ZNF587B: variants seen among roughly 807,000 people sequenced by gnomAD.
ZNF587B encodes the protein zinc finger protein 587B.
In ZNF587B, 6 loss-of-function variants were observed where a neutral mutation model predicts 7.2. The ratio of observed to expected loss-of-function variants is 0.83; its 90% CI spans 0.46 to 1.65. ZNF587B has a LOEUF of 1.65. Among genes scored for constraint, ZNF587B ranks in the 40% most tolerant of loss-of-function variants. The probability of loss-of-function intolerance (pLI) is 0.01; values close to 1 mark genes in which losing one functional copy is unlikely to be tolerated. For synonymous variants in ZNF587B, 274 were observed against 254.3 expected (o/e 1.08, Z -0.74); for missense variants, 749 against 761.0 (o/e 0.98, Z 0.19).
At chr19:57,840,720 C>G in intron 2 of ZNF587B, 118 bp from the exon 3 acceptor site, 1 of 1,598,016 alleles carries the variant, frequency 6.3e-7, no homozygotes, top group South Asian at 1.1e-5. Context: ...AAGCCAACAT[C>G]CTGTTCCTCC....
Position 57,845,059 on chromosome 19 carries a change from C to T in ZNF587B, c.*2483C>T, listed in dbSNP as rs1044730658. ...TTGCACCATCTCGGCTCACTGCAACCTGTGCCTTCTGGGTTCAAGCGATTC... is the reference window on the plus strand; with the variant it reads ...TTGCACCATCTCGGCTCACTGCAACTTGTGCCTTCTGGGTTCAAGCGATTC... On this transcript the variant is annotated 3_prime_UTR_variant, in exon 3 of 3. Coordinates refer to ENST00000594901, the MANE Select transcript of ZNF587B (RefSeq NM_001376223.1). 1 of 152,206 alleles carries T rather than the reference C, an allele frequency of 6.6e-6. No individual in the cohort carries two copies. Among genetic ancestry groups the T allele is most frequent in the Non-Finnish European group, 1.5e-5 (1 of 68,032 alleles). The allele number at this position is 152,206 out of a possible 1,614,324, so 9.4% of individuals were successfully genotyped here. A position where few individuals can be genotyped will look rare whatever the true frequency, so the allele number is the denominator to read the frequency against.
chr19:57,839,524 C>T (rs1988758182), intron 2 of ZNF587B, among the ~76,000 whole-genome samples: 1 of 152,046 alleles, frequency 6.6e-6, no homozygotes, highest in South Asian at 2.1e-4. Context: ...TACATCACTG[C>T]CTATATAGAC....
At position 57,841,989 on chromosome 19, in the gene ZNF587B, A is replaced by G. The variant is rs749530805; in HGVS notation, c.1315A>G (p.Lys439Glu). Reference sequence around the variant, plus strand: ...AGTTCACACTACAGAAAGACCTTATAAGTGTGGGGAATGTGGGAAATGTTT... The same window carrying G: ...AGTTCACACTACAGAAAGACCTTATGAGTGTGGGGAATGTGGGAAATGTTT... ...QRVHTTERPY[K>E]CGECGKCFSH... Residue 439 changes from lysine to glutamate, a missense_variant, in exon 3 of 3, where the codon AAG becomes GAG. Coordinates refer to ENST00000594901, the MANE Select transcript of ZNF587B (RefSeq NM_001376223.1). The G allele has an allele frequency of 4.4e-6, 7 of 1,606,634 alleles. No homozygotes were observed. The African/African-American group carries it at 9.4e-5, about 22-fold the overall frequency.
At chr19:57,836,095 C>T (rs566382883) in intron 1 of ZNF587B, among the ~76,000 whole-genome samples, 121 of 149,744 alleles carry the variant, frequency 8.1e-4, no homozygotes, top group African/African-American at 2.7e-3. Context: ...CATAGCTTGT[C>T]GTGGGGCAGA....
chr19:57,834,581 C>T (rs1988533252), intron 1 of ZNF587B, among the ~76,000 whole-genome samples: 2 of 101,760 alleles, frequency 2.0e-5, no homozygotes, highest in South Asian at 2.8e-4. Context: ...CGCCTGTAAT[C>T]CCAGCACTTT....
In ZNF587B at chr19:57,843,600, G is replaced by GTTTTTTTTTTTTTTTT. The variant is rs771371494; in HGVS notation, c.*1029_*1044dup. The GTTTTTTTTTTTTTTTT allele has an allele frequency of 1.4e-4, 90 of 648,438 alleles. No homozygotes were observed. Among genetic ancestry groups the GTTTTTTTTTTTTTTTT allele is most frequent in the African/African-American group, 4.7e-4 (12 of 25,486 alleles). The allele number at this position is 648,438 out of a possible 1,614,324, so 40.2% of individuals were successfully genotyped here. On this transcript the variant is annotated 3_prime_UTR_variant, in exon 3 of 3. Transcript: ENST00000594901. ...GTTGGTTGGTTGGTTGTTTTTTTTT[G>GTTTTTTTTTTTTTTTT]TTTTTTTTTTTTTTTTTTTTGGAGA...
At position 57,841,803 on chromosome 19, in the gene ZNF587B, A is replaced by G. The variant is rs748497135; in HGVS notation, c.1129A>G (p.Thr377Ala). 1 of 1,611,274 alleles carries G rather than the reference A, an allele frequency of 6.2e-7. No homozygotes were observed. Among genetic ancestry groups the G allele is most frequent in the Admixed American group, 1.7e-5 (1 of 59,682 alleles). ...PSLSYHQRIH[T>A]EVRPYKCGEC... ...CCTTAGTTACCATCAGCGCATTCAC[A>G]CTGAAGTAAGACCTTACAAGTGTGG... Residue 377 changes from threonine (T) to alanine (A), a missense_variant, in exon 3 of 3, where the codon ACT (threonine) becomes GCT (alanine). By Grantham distance (58) the Thr-to-Ala change is moderately conservative. Transcript: ENST00000594901.
rs571824664 is a variant in ZNF587B at position 57,841,198 on chromosome 19, G to A, written c.524G>A (p.Ser175Asn). The stretch of plus-strand genomic sequence containing the variant: ...GGGGAGTCATCTGTCTTCAGTGAGA[G>A]TGGGAAGGACTTTTTGCCCAGGTCA... The part of the protein sequence containing the change: ...VSGESSVFSE[S>N]GKDFLPRSGL... Residue 175 changes from serine to asparagine, a missense_variant, in exon 3 of 3, where the codon AGT becomes AAT. Ser to Asn is a conservative substitution (Grantham distance 46, BLOSUM62 1). This residue lies in a region of ZNF587B where 656 missense variants were observed against 596.5 expected (regional missense o/e 1.10). Coordinates refer to ENST00000594901, the MANE Select transcript of ZNF587B (RefSeq NM_001376223.1). The A allele has an allele frequency of 1.4e-5, 22 of 1,614,096 alleles. No homozygotes were observed. The highest frequency in any genetic ancestry group is 2.2e-5 in the South Asian group (2 of 91,090).
At position 57,842,432 on chromosome 19, in the gene ZNF587B, T is replaced by C. The variant is rs2122252712; in HGVS notation, c.1758T>C (p.Ser586=). The part of the protein sequence containing the change: ...KPYECSECGK[S]FAGISSLTNH... Reference sequence around the variant, plus strand: ...ATGAGTGCAGTGAATGTGGGAAATCTTTTGCTGGAATCTCCAGTCTCACTA... The same window carrying C: ...ATGAGTGCAGTGAATGTGGGAAATCCTTTGCTGGAATCTCCAGTCTCACTA... Residue 586 remains serine (S), a synonymous_variant, in exon 3 of 3, where the codon TCT becomes TCC. Coordinates refer to ENST00000594901, the MANE Select transcript of ZNF587B (RefSeq NM_001376223.1). 1 of 1,603,266 alleles carries C rather than the reference T, an allele frequency of 6.2e-7. No homozygotes were observed. Among genetic ancestry groups the C allele is most frequent in the Non-Finnish European group, 8.5e-7 (1 of 1,175,274 alleles).
intron 1 of ZNF587B, among the ~76,000 whole-genome samples, chr19:57,838,269 C>A (rs1988704793): frequency 6.7e-6 from 1 of 149,650 alleles, no homozygotes; most frequent in African/African-American, 2.5e-5. Flanking sequence ...TAGATCGTGT[C>A]ATTGCACTCC....
In ZNF587B at chr19:57,836,960, T is replaced by TAAA. The variant is rs71188052; in HGVS notation, c.37-2044_37-2042dup. Among the ~76,000 whole-genome samples the TAAA allele has an allele frequency of 1.0e-3, 108 of 106,212 alleles. 1 individual carries two copies. The highest frequency in any genetic ancestry group is 2.8e-3 in the African/African-American group (77 of 27,142). 69.7% of individuals were successfully genotyped at this position (106,212 alleles called of 152,430 possible). On this transcript the variant is annotated intron_variant, in intron 1 of 2. Transcript: ENST00000594901. ...CCTGGGTGACAGTGAGACTCCGTCA[T>TAAA]AAAAAAAAAAAAAAAAAAAAAGGAA...
Position 57,842,244 on chromosome 19 carries a change from T to A in ZNF587B, c.1570T>A (p.Cys524Ser). 2 of 1,613,586 alleles carry A rather than the reference T, an allele frequency of 1.2e-6. No individual in the cohort carries two copies. The highest frequency in any genetic ancestry group is 1.7e-6 in the Non-Finnish European group (2 of 1,179,610). Residue 524 changes from cysteine (C) to serine (S), a missense_variant, in exon 3 of 3, where the codon TGC (cysteine) becomes AGC (serine). Around this residue, in one of 3 missense-constraint regions of ZNF587B, gnomAD observed 656 missense variants for 596.5 expected, o/e 1.10. Coordinates refer to ENST00000594901, the MANE Select transcript of ZNF587B (RefSeq NM_001376223.1). ...RVHTGERPYECSDCGKSFTHS... is the reference protein window; with the variant it reads ...RVHTGERPYESSDCGKSFTHS... ...TCACACTGGAGAAAGGCCATATGAATGCAGTGATTGTGGGAAGTCATTTAC... is the reference window on the plus strand; with the variant it reads ...TCACACTGGAGAAAGGCCATATGAAAGCAGTGATTGTGGGAAGTCATTTAC...
Position 57,845,646 on chromosome 19 carries a change from A to G in ZNF587B, c.*3070A>G, listed in dbSNP as rs1600112568. The stretch of plus-strand genomic sequence containing the variant: ...CATGAGAAGAATTGGTAAAGTCAAC[A>G]TAAAATTGCCAAACCTGTCACCAAA... On this transcript the variant is annotated 3_prime_UTR_variant, in exon 3 of 3. Coordinates refer to ENST00000594901, the MANE Select transcript of ZNF587B (RefSeq NM_001376223.1). The G allele has an allele frequency of 1.3e-5, 2 of 152,228 alleles. No homozygotes were observed. The highest frequency in any genetic ancestry group is 3.9e-4 in the East Asian group (2 of 5,194). The allele number at this position is 152,228 out of a possible 1,614,324, so 9.4% of individuals were successfully genotyped here. A position where few individuals can be genotyped will look rare whatever the true frequency, so the allele number is the denominator to read the frequency against.
At chr19:57,830,643 A>G (rs6510107) in intron 1 of ZNF587B, 79 bp downstream of exon 1, 261,699 of 1,498,670 alleles carry the variant, frequency 0.17, 24,064 homozygotes, top group African/African-American at 0.34. Context: ...AAGAGTCTTT[A>G]AGGTGGCAGA....
chr19:57,832,546 T>C (rs1324899295), intron 1 of ZNF587B, among the ~76,000 whole-genome samples: 1 of 152,256 alleles, frequency 6.6e-6, no homozygotes, highest in Admixed American at 6.5e-5. Context: ...GATTCGTCTT[T>C]GGTGCTTTAT....
intron 1 of ZNF587B, among the ~76,000 whole-genome samples, chr19:57,838,174 G>T (rs1988700591): frequency 6.6e-6 from 1 of 151,582 alleles, no homozygotes; most frequent in African/African-American, 2.4e-5. Context: ...AGGTGTGGTG[G>T]TGCACACCTG....
intron 1 of ZNF587B, among the ~76,000 whole-genome samples, chr19:57,836,728 C>A (rs1988624079): frequency 6.6e-6 from 1 of 152,022 alleles, no homozygotes; most frequent in Admixed American, 6.6e-5. Flanking sequence ...CTTTAGGAGG[C>A]CGAGATGGGT....
At position 57,843,614 on chromosome 19, in the gene ZNF587B, T is replaced by TTTTTTTTTTTTTTTTTTTTTTG. The variant is rs1988961252; in HGVS notation, c.*1044_*1045insTTTTTTTTTTTTTTTGTTTTTT. 1 of 913,716 alleles carries TTTTTTTTTTTTTTTTTTTTTTG rather than the reference T, an allele frequency of 1.1e-6. No homozygotes were observed. 56.6% of individuals were successfully genotyped at this position (913,716 alleles called of 1,614,324 possible). On this transcript the variant is annotated 3_prime_UTR_variant, in exon 3 of 3. Transcript: ENST00000594901. ...TGTTTTTTTTTGTTTTTTTTTTTTT[T>TTTTTTTTTTTTTTTTTTTTTTG]TTTTTTGGAGACAAAGTTTCACTGT...
intron 1 of ZNF587B, 37 bp from the exon 2 acceptor site, chr19:57,838,986 G>C (rs752094338): frequency 1.2e-6 from 2 of 1,605,550 alleles, no homozygotes; most frequent in South Asian, 1.1e-5. Flanking sequence ...CTCAGCATAG[G>C]GGTGGTTTGT....
Sources: allele counts gnomAD v4.1 joint callset (sites outside exome capture counted in the v4.1 genomes callset), GRCh38; gene constraint gnomAD v4.1.1; regional missense constraint gnomAD v4.1.1; transcripts MANE v1.5; gene names NCBI Gene and HGNC (gene_info 2026-07-23, HGNC 2026-07-21).